Variants in TIMD4 observed in about 807,000 individuals in gnomAD.
The protein encoded by TIMD4 is T-cell immunoglobulin and mucin domain-containing protein 4.
Under a neutral mutation model 41.2 loss-of-function variants are expected in TIMD4, and 31 were observed. The ratio of observed to expected loss-of-function variants is 0.75; its 90% CI spans 0.57 to 1.01. The LOEUF (loss-of-function observed/expected upper bound fraction) is 1.01, where lower values mean the gene tolerates loss of function less well. TIMD4 is among the 50% of genes least tolerant of loss of function. TIMD4 has a pLI of 0.00. For missense variants in TIMD4, 479 were observed against 472.5 expected, an observed-to-expected ratio of 1.01 and a Z score of -0.13; for synonymous variants, 204 against 177.1, an observed-to-expected ratio of 1.15 and a Z score of -1.21.
intron 5 of TIMD4, among the ~76,000 whole-genome samples, chr5:156,936,932 GAAAAAAA>G (rs979433463): frequency 6.5e-5 from 6 of 92,614 alleles, no homozygotes; most frequent in South Asian, 3.8e-4. Context: ...ACTCCGTCTG[GAAAAAAA>G]AAAAAAAAAA....
intron 5 of TIMD4, among the ~76,000 whole-genome samples, chr5:156,931,299 C>T (rs1759440951): frequency 6.6e-6 from 1 of 152,184 alleles, no homozygotes; most frequent in South Asian, 2.1e-4. Flanking sequence ...TCATTTGTTA[C>T]AGCAGCAACA....
At chr5:156,962,720 C>A (rs970684223) in intron 1 of TIMD4, among the ~76,000 whole-genome samples, 1 of 152,126 alleles carries the variant, frequency 6.6e-6, no homozygotes, top group Non-Finnish European at 1.5e-5. Context: ...TAAAGCCTCA[C>A]CCCAGCAAAA....
At chr5:156,924,035 C>T (rs558519651) in intron 6 of TIMD4, 154 of 176,420 alleles carry the variant, frequency 8.7e-4, no homozygotes, top group African/African-American at 3.1e-3. Context: ...TTTGTAGAGA[C>T]AGGGGTCTCG....
chr5:156,920,294 A>G (rs923372192), intron 8 of TIMD4, among the ~76,000 whole-genome samples, 170 bp downstream of exon 8: 20 of 152,350 alleles, frequency 1.3e-4, no homozygotes, highest in African/African-American at 4.8e-4. Flanking sequence ...ACCAAGACAC[A>G]GGTTAATGTG....
chr5:156,935,845 G>A (rs1759531558), intron 5 of TIMD4, among the ~76,000 whole-genome samples: 1 of 152,132 alleles, frequency 6.6e-6, no homozygotes, highest in Admixed American at 6.5e-5. Flanking sequence ...GAGGGTCTCA[G>A]TAAAGCACAG....
intron 1 of TIMD4, among the ~76,000 whole-genome samples, chr5:156,958,973 TA>T (rs11302370): frequency 0.034 from 5,110 of 152,184 alleles, 219 homozygotes; most frequent in African/African-American, 0.096. Context: ...AATAAATAAA[TA>T]AAACAATTTC....
chr5:156,951,701 G>A lies in TIMD4; in HGVS notation c.490C>T (p.Pro164Ser). The A allele has an allele frequency of 6.2e-7, 1 of 1,614,052 alleles. No homozygotes were observed. Among genetic ancestry groups the A allele is most frequent in the Admixed American group, 1.7e-5 (1 of 59,994 alleles). ...PTTTRQMTTTPAALPTTVVTT... is the reference protein window; with the variant it reads ...PTTTRQMTTTSAALPTTVVTT... ...ACGACTGTTGTTGGAAGTGCAGCTGGGGTTGTTGTCATTTGTCGGGTGGTG... is the reference window on the plus strand; with the variant it reads ...ACGACTGTTGTTGGAAGTGCAGCTGAGGTTGTTGTCATTTGTCGGGTGGTG... The change falls in exon 3 of 9, where the codon CCA (proline) becomes TCA (serine). Residue 164 changes from proline to serine, a missense_variant. Transcript: ENST00000274532.
intron 5 of TIMD4, among the ~76,000 whole-genome samples, chr5:156,938,471 T>A (rs1000362479): frequency 6.6e-6 from 1 of 152,324 alleles, no homozygotes; most frequent in South Asian, 2.1e-4. Flanking sequence ...AATTCATGGA[T>A]TAGATAATCT....
intron 5 of TIMD4, among the ~76,000 whole-genome samples, chr5:156,935,194 T>A (rs74786509): frequency 1.3e-5 from 2 of 152,100 alleles, no homozygotes; most frequent in South Asian, 2.1e-4. Context: ...TTTTTTTTTT[T>A]AATTTGTCAA....
At chr5:156,926,515 C>T (rs1228112272) in intron 5 of TIMD4, among the ~76,000 whole-genome samples, 1 of 152,054 alleles carries the variant, frequency 6.6e-6, no homozygotes, top group East Asian at 1.9e-4. Flanking sequence ...CAACGTTATC[C>T]CTGGGAACAT....
intron 2 of TIMD4, 36 bp from the exon 3 acceptor site, chr5:156,951,826 G>A: frequency 6.2e-7 from 1 of 1,610,236 alleles, no homozygotes; most frequent in Non-Finnish European, 8.5e-7. Context: ...GCACCAAGCG[G>A]AGATGGAGGA....
At chr5:156,919,570 G>C (rs749029093) in intron 8 of TIMD4, 29 bp from the exon 9 acceptor site, 8 of 1,580,588 alleles carry the variant, frequency 5.1e-6, no homozygotes, top group Admixed American at 1.7e-5. Context: ...GGCTCATAAT[G>C]GGAAACACAA....
chr5:156,930,191 G>A (rs528847098), intron 5 of TIMD4, among the ~76,000 whole-genome samples: 43 of 152,170 alleles, frequency 2.8e-4, no homozygotes, highest in African/African-American at 9.6e-4. Context: ...CAAACTCCTG[G>A]CCTCAAGTGA....
rs61743250 is a variant in TIMD4 at position 156,951,682 on chromosome 5, G to A, written c.509C>T (p.Thr170Ile). The change falls in exon 3 of 9, where the codon ACA becomes ATA. Residue 170 changes from threonine to isoleucine, a missense_variant. Coordinates refer to ENST00000274532, the MANE Select transcript of TIMD4 (RefSeq NM_138379.3). ...TGTGAGATCGGGTGTGGTCACGACT[G>A]TTGTTGGAAGTGCAGCTGGGGTTGT... ...MTTTPAALPT[T>I]VVTTPDLTTG... 1 of 1,614,056 alleles carries A rather than the reference G, an allele frequency of 6.2e-7. No individual in the cohort carries two copies. The highest frequency in any genetic ancestry group is 8.5e-7 in the Non-Finnish European group (1 of 1,180,018).
intron 5 of TIMD4, among the ~76,000 whole-genome samples, chr5:156,934,341 C>T (rs1759500781): frequency 6.6e-6 from 1 of 152,222 alleles, no homozygotes; most frequent in Non-Finnish European, 1.5e-5. Flanking sequence ...ACCTCCCAGG[C>T]TCTGGCTCAC....
At chr5:156,927,715 G>C (rs1177072603) in intron 5 of TIMD4, among the ~76,000 whole-genome samples, 1 of 152,162 alleles carries the variant, frequency 6.6e-6, no homozygotes, top group African/African-American at 2.4e-5. Context: ...GGGTAAGAAA[G>C]AGAGAAAAGT....
At chr5:156,954,831 A>G (rs1759941961) in intron 1 of TIMD4, 75 bp from the exon 2 acceptor site, 16 of 1,238,534 alleles carry the variant, frequency 1.3e-5, no homozygotes, top group Non-Finnish European at 1.8e-5. Flanking sequence ...TTTTGTGCTA[A>G]TAGATGCTTC....
chr5:156,938,969 T>C (rs1268513357), intron 5 of TIMD4, among the ~76,000 whole-genome samples: 1 of 152,204 alleles, frequency 6.6e-6, no homozygotes, highest in Non-Finnish European at 1.5e-5. Flanking sequence ...TCTAGCTCCT[T>C]AGCTGGCTTA....
At chr5:156,936,574 C>T (rs1440257895) in intron 5 of TIMD4, among the ~76,000 whole-genome samples, 7 of 152,060 alleles carry the variant, frequency 4.6e-5, no homozygotes, top group Admixed American at 4.6e-4. Flanking sequence ...GCCCAAACTC[C>T]TATCCTCTGG....
Sources: allele counts gnomAD v4.1 joint callset (sites outside exome capture counted in the v4.1 genomes callset), GRCh38; gene constraint gnomAD v4.1.1; transcripts MANE v1.5; gene names NCBI Gene and HGNC (gene_info 2026-07-23, HGNC 2026-07-21).